RFFL: variants seen among roughly 807,000 people sequenced by gnomAD.
The protein encoded by RFFL is ring finger and FYVE like domain containing E3 ubiquitin protein ligase.
In RFFL, 16 loss-of-function variants were observed where a neutral mutation model predicts 40.4. The observed-to-expected ratio is 0.40, with a 90% confidence interval of 0.27 to 0.60. RFFL has a LOEUF of 0.60. Among genes scored for constraint, RFFL ranks in the 20% least tolerant of loss-of-function variants. The pLI is 0.47. For synonymous variants in RFFL, 154 were observed against 167.9 expected, an observed-to-expected ratio of 0.92 and a Z score of 0.64; for missense variants, 367 against 451.7, an observed-to-expected ratio of 0.81 and a Z score of 1.70.
At chr17:35,071,792 T>C (rs2091352371) in intron 1 of RFFL, among the ~76,000 whole-genome samples, 1 of 152,122 alleles carries the variant, frequency 6.6e-6, no homozygotes, top group Non-Finnish European at 1.5e-5. Flanking sequence ...AGCCCCAAAC[T>C]GGTAACAACT....
intron 1 of RFFL, among the ~76,000 whole-genome samples, chr17:35,062,450 A>G (rs1387688691): frequency 6.6e-6 from 1 of 152,174 alleles, no homozygotes; most frequent in Non-Finnish European, 1.5e-5. Flanking sequence ...GAGAAAGTAC[A>G]GTACAGGCTC....
chr17:35,025,395 G>C (rs1051819337), intron 2 of RFFL: 1 of 152,136 alleles, frequency 6.6e-6, no homozygotes, highest in Non-Finnish European at 1.5e-5. Flanking sequence ...TATTTGTCAG[G>C]AATTTAACAC....
At chr17:35,061,969 C>T (rs1440205376) in intron 1 of RFFL, among the ~76,000 whole-genome samples, 2 of 151,976 alleles carry the variant, frequency 1.3e-5, no homozygotes, top group Non-Finnish European at 2.9e-5. Context: ...CGTGAGCCAC[C>T]GTGCCCAGCC....
In RFFL at chr17:35,069,425, A is replaced by G. The variant is rs549786727; in HGVS notation, c.-9+19680T>C. On this transcript the variant is annotated intron_variant, in intron 1 of 6. Coordinates refer to the RFFL transcript ENST00000315249. ...CTTCAACCTGGTTTCTGCAGGCTAT[A>G]GAAATAAAAGGATACGACTGCACAG... is the stretch of plus-strand genomic sequence containing the variant. 9.0e-6 allele frequency: 4 copies of G among 443,476 alleles called. No individual in the cohort carries two copies. The East Asian group carries it at 2.1e-4, about 23-fold the overall frequency. The allele number at this position is 443,476 out of a possible 1,614,324, so 27.5% of individuals were successfully genotyped here.
intron 1 of RFFL, among the ~76,000 whole-genome samples, chr17:35,043,076 A>C: frequency 6.6e-6 from 1 of 152,216 alleles, no homozygotes; most frequent in Non-Finnish European, 1.5e-5. Flanking sequence ...GATATGGGTA[A>C]CAGATAAATG....
chr17:35,043,356 A>T (rs1384994840), intron 1 of RFFL, among the ~76,000 whole-genome samples: 1 of 152,200 alleles, frequency 6.6e-6, no homozygotes, highest in African/African-American at 2.4e-5. Context: ...AAGGGGGATC[A>T]TAACTTCACT....
At chr17:35,069,934 T>C (rs776119849) in intron 1 of RFFL, among the ~76,000 whole-genome samples, 3 of 151,754 alleles carry the variant, frequency 2.0e-5, no homozygotes, top group Non-Finnish European at 4.4e-5. Context: ...CATTAAAAAA[T>C]GCTCCATAAT....
upstream of RFFL, among the ~76,000 whole-genome samples, chr17:35,066,914 A>G (rs763766766): frequency 1.3e-5 from 2 of 152,112 alleles, no homozygotes; most frequent in Non-Finnish European, 2.9e-5. Context: ...TAAGAAAAAC[A>G]ATATGATGGC....
intron 1 of RFFL, among the ~76,000 whole-genome samples, chr17:35,043,515 G>A (rs2091179511): frequency 1.3e-5 from 2 of 152,158 alleles, no homozygotes; most frequent in African/African-American, 2.4e-5. Context: ...AGAGATGTCA[G>A]TAACATCAAA....
intron 1 of RFFL, among the ~76,000 whole-genome samples, chr17:35,084,295 T>C (rs542010815): frequency 1.3e-5 from 2 of 151,438 alleles, no homozygotes; most frequent in South Asian, 2.1e-4. Flanking sequence ...GCAAGGGAGA[T>C]TTTTTAAAGC....
intron 1 of RFFL, among the ~76,000 whole-genome samples, chr17:35,048,633 A>G (rs1310279022): frequency 6.6e-6 from 1 of 151,976 alleles, no homozygotes; most frequent in African/African-American, 2.4e-5. Flanking sequence ...CCCCATTGCT[A>G]ATGAGTTTGT....
chr17:35,073,030 T>C (rs1287578059), intron 1 of RFFL, among the ~76,000 whole-genome samples: 1 of 122,622 alleles, frequency 8.2e-6, no homozygotes, highest in Non-Finnish European at 1.6e-5. Context: ...GCAACAAGAG[T>C]GAAACTCCGT....
intron 1 of RFFL, among the ~76,000 whole-genome samples, chr17:35,055,197 C>T (rs570091568): frequency 5.3e-5 from 8 of 151,722 alleles, no homozygotes; most frequent in East Asian, 3.9e-4. Flanking sequence ...GGATTACAGG[C>T]GTGAGCCACA....
At chr17:35,016,291 C>T in intron 5 of RFFL, 79 bp downstream of exon 5, 3 of 1,260,680 alleles carry the variant, frequency 2.4e-6, no homozygotes, top group Non-Finnish European at 3.4e-6. Flanking sequence ...GAAATTGAGT[C>T]AGGTCAATAC....
At chr17:35,064,537 A>G (rs1238347817), upstream of RFFL, among the ~76,000 whole-genome samples, 4 of 148,656 alleles carry the variant, frequency 2.7e-5, no homozygotes, top group South Asian at 4.3e-4. Flanking sequence ...TAGAATTGAC[A>G]TTGGTGTTAT....
At chr17:35,036,317 T>C (rs936449157) in intron 1 of RFFL, 6 of 152,128 alleles carry the variant, frequency 3.9e-5, no homozygotes, top group African/African-American at 1.4e-4. Context: ...AATGAAAAAC[T>C]TTTCTCTCTT....
intron 1 of RFFL, among the ~76,000 whole-genome samples, chr17:35,061,960 G>A (rs1444703943): frequency 4.6e-5 from 7 of 151,880 alleles, no homozygotes; most frequent in Non-Finnish European, 7.4e-5. Flanking sequence ...GATTACAGGC[G>A]TGAGCCACCG....
chr17:35,055,075 G>A (rs544117124), intron 1 of RFFL, among the ~76,000 whole-genome samples: 9 of 152,022 alleles, frequency 5.9e-5, no homozygotes, highest in East Asian at 2.0e-4. Flanking sequence ...CCACCAGCAC[G>A]CCTGGCCAAT....
chr17:35,038,192 G>A (rs991758081), intron 1 of RFFL, among the ~76,000 whole-genome samples: 2 of 151,204 alleles, frequency 1.3e-5, no homozygotes, highest in Non-Finnish European at 2.9e-5. Context: ...AGGAGGCTGA[G>A]GCAGAAGAAT....
Sources: gnomAD v4.1 joint callset for allele counts (sites outside exome capture counted in the v4.1 genomes callset) on GRCh38, gnomAD v4.1.1 for gene constraint, MANE v1.5 for transcripts, NCBI Gene and HGNC (gene_info 2026-07-23, HGNC 2026-07-21) for gene names.